PPARGC1A: variants seen among roughly 807,000 people sequenced by gnomAD.
PPARGC1A encodes the protein peroxisome proliferator-activated receptor gamma coactivator 1-alpha.
PPARGC1A carries 25 observed loss-of-function variants against 88.7 expected under a neutral mutation model. The observed-to-expected ratio is 0.28, with a 90% confidence interval of 0.21 to 0.39. The LOEUF is 0.39. PPARGC1A is among the 10% of genes least tolerant of loss of function. The probability of loss-of-function intolerance (pLI) is 1.00; values close to 1 mark genes in which losing one functional copy is unlikely to be tolerated. For synonymous variants in PPARGC1A, 363 were observed against 355.6 expected, an observed-to-expected ratio of 1.02 and a Z score of -0.24; for missense variants, 880 against 968.7, an observed-to-expected ratio of 0.91 and a Z score of 1.22.
At chr4:24,100,586 A>T in the PPARGC1A span, among the ~76,000 whole-genome samples, 1 of 152,178 alleles carries the variant, frequency 6.6e-6, no homozygotes, top group African/African-American at 2.4e-5. Context: ...GATTTTGTAT[A>T]AATCAATATT....
At chr4:24,166,424 T>C in the PPARGC1A span, among the ~76,000 whole-genome samples, 4 of 152,222 alleles carry the variant, frequency 2.6e-5, no homozygotes, top group African/African-American at 4.8e-5. Context: ...ATCTTCAATA[T>C]AGACAAAATA....
the PPARGC1A span, among the ~76,000 whole-genome samples, chr4:24,397,273 C>T: frequency 1.1e-4 from 17 of 152,032 alleles, no homozygotes; most frequent in African/African-American, 3.9e-4. Flanking sequence ...CTACTGGAAC[C>T]GGCCAATTTT....
At chr4:24,148,176 A>C in the PPARGC1A span, among the ~76,000 whole-genome samples, 1 of 152,280 alleles carries the variant, frequency 6.6e-6, no homozygotes, top group South Asian at 2.1e-4. Context: ...ACATTACTTT[A>C]ACTAGACCAT....
In PPARGC1A at chr4:23,837,291, T is replaced by G. The variant is rs375590435; in HGVS notation, c.235-5540A>C. 3.6e-4 allele frequency among the ~76,000 whole-genome samples: 55 copies of G among 152,172 alleles called. No individual in the cohort carries two copies. In the South Asian group the frequency reaches 0.011, roughly 32 times the overall value. ...GAGATCAATCTGTGTGAGAGGTGACTTAACCTCTCTGAGCCTCTAATTTTT... is the reference window on the plus strand; with the variant it reads ...GAGATCAATCTGTGTGAGAGGTGACGTAACCTCTCTGAGCCTCTAATTTTT... On this transcript the variant is annotated intron_variant, in intron 2 of 12. Transcript: ENST00000264867.
chr4:24,402,163 A>C, the PPARGC1A span, among the ~76,000 whole-genome samples: 1 of 152,168 alleles, frequency 6.6e-6, no homozygotes, highest in African/African-American at 2.4e-5. Context: ...GCTTGACTCC[A>C]TCCTACCCCA....
the PPARGC1A span, among the ~76,000 whole-genome samples, chr4:24,224,247 G>A: frequency 6.6e-6 from 1 of 152,204 alleles, no homozygotes; most frequent in African/African-American, 2.4e-5. Context: ...TGGACCAAAA[G>A]AGAATTGGGA....
At chr4:24,327,532 C>G in the PPARGC1A span, among the ~76,000 whole-genome samples, 4 of 152,138 alleles carry the variant, frequency 2.6e-5, no homozygotes, top group Admixed American at 6.5e-5. Flanking sequence ...TTCTCCTTCT[C>G]TTATTCCATT....
At chr4:23,801,548 C>G (rs1175918798) in intron 12 of PPARGC1A, among the ~76,000 whole-genome samples, 182 bp downstream of exon 12, 1 of 152,180 alleles carries the variant, frequency 6.6e-6, no homozygotes. Context: ...TCCTTTCTTG[C>G]CAAAACCTAG....
the PPARGC1A span, among the ~76,000 whole-genome samples, chr4:24,127,076 G>A: frequency 6.6e-6 from 1 of 152,164 alleles, no homozygotes; most frequent in African/African-American, 2.4e-5. Context: ...GGTCACAGCT[G>A]ACTAAATGAA....
the PPARGC1A span, among the ~76,000 whole-genome samples, chr4:24,281,593 T>C: frequency 2.0e-5 from 3 of 152,200 alleles, no homozygotes; most frequent in African/African-American, 7.2e-5. Flanking sequence ...GAGGATTGAA[T>C]TTCAACATGA....
chr4:24,364,582 T>C, the PPARGC1A span, among the ~76,000 whole-genome samples: 2 of 151,930 alleles, frequency 1.3e-5, no homozygotes, highest in African/African-American at 4.8e-5. Context: ...CTAAGAATAA[T>C]AAGAAAAAAA....
chr4:23,823,261 C>T (rs1577400044), intron 7 of PPARGC1A, among the ~76,000 whole-genome samples: 1 of 151,796 alleles, frequency 6.6e-6, no homozygotes, highest in African/African-American at 2.4e-5. Flanking sequence ...TAATCTTTTC[C>T]TTCAAGGAGC....
the PPARGC1A span, among the ~76,000 whole-genome samples, chr4:24,111,981 G>A: frequency 1.3e-5 from 2 of 152,158 alleles, no homozygotes; most frequent in Admixed American, 6.5e-5. Context: ...ACTCAGATAT[G>A]AAGTTATTCT....
the PPARGC1A span, among the ~76,000 whole-genome samples, chr4:24,230,752 T>C: frequency 6.6e-6 from 1 of 152,128 alleles, no homozygotes; most frequent in African/African-American, 2.4e-5. Flanking sequence ...TCCTTGCACC[T>C]TGTTATCTTG....
chr4:24,094,157 T>G, the PPARGC1A span, among the ~76,000 whole-genome samples: 1 of 152,102 alleles, frequency 6.6e-6, no homozygotes, highest in Non-Finnish European at 1.5e-5. Flanking sequence ...CAGACAGGAA[T>G]GCCGAGCCTG....
the PPARGC1A span, among the ~76,000 whole-genome samples, chr4:24,123,732 G>C: frequency 6.6e-6 from 1 of 152,050 alleles, no homozygotes; most frequent in African/African-American, 2.4e-5. Flanking sequence ...AAGTCATTCT[G>C]CTTAAACCTG....
chr4:23,810,423 A>G (rs1720683685), intron 10 of PPARGC1A, among the ~76,000 whole-genome samples: 1 of 152,216 alleles, frequency 6.6e-6, no homozygotes, highest in African/African-American at 2.4e-5. Flanking sequence ...ACACAAAGGG[A>G]CAACAGGGTA....
chr4:24,029,335 A>G, the PPARGC1A span, among the ~76,000 whole-genome samples: 1 of 152,192 alleles, frequency 6.6e-6, no homozygotes, highest in African/African-American at 2.4e-5. Flanking sequence ...TTTTTTCTCC[A>G]TTCTATGTCC....
the PPARGC1A span, among the ~76,000 whole-genome samples, chr4:24,030,962 GCAGA>G: frequency 6.6e-6 from 1 of 152,140 alleles, no homozygotes; most frequent in Non-Finnish European, 1.5e-5. Flanking sequence ...CTGCAGGGAA[GCAGA>G]CAGATATGCA....
Sources: allele counts gnomAD v4.1 joint callset (sites outside exome capture counted in the v4.1 genomes callset), GRCh38; gene constraint gnomAD v4.1.1; transcripts MANE v1.5; gene names NCBI Gene and HGNC (gene_info 2026-07-23, HGNC 2026-07-21).